The following ZC3H6 variants were observed in gnomAD, a reference collection of about 807,000 sequenced individuals.
ZC3H6 encodes zinc finger CCCH domain-containing protein 6.
ZC3H6 carries 40 observed loss-of-function variants against 107.7 expected under a neutral mutation model. That is an observed-to-expected ratio of 0.37 (90% CI 0.29 to 0.48). The LOEUF is 0.48. Ranked by LOEUF, ZC3H6 falls within the 20% of genes least tolerant of loss-of-function variation. The pLI is 0.98. For missense variants in ZC3H6, 1,267 were observed against 1,410.4 expected (o/e 0.90, Z 1.63); for synonymous variants, 493 against 487.9 (o/e 1.01, Z -0.14).
chr2:112,301,854 T>C (rs1051407170), intron 2 of ZC3H6, among the ~76,000 whole-genome samples: 2 of 151,408 alleles, frequency 1.3e-5, no homozygotes, highest in African/African-American at 4.9e-5. Flanking sequence ...ACCAAACTTA[T>C]CAATAATAAA....
intron 1 of ZC3H6, among the ~76,000 whole-genome samples, chr2:112,298,394 C>A (rs564144895): frequency 3.9e-5 from 6 of 152,204 alleles, no homozygotes; most frequent in African/African-American, 4.8e-5. Flanking sequence ...GCAAAAAAAA[C>A]CAACTGAAAT....
chr2:112,308,404 TTTTA>T (rs370414380), intron 3 of ZC3H6, among the ~76,000 whole-genome samples: 90 of 138,310 alleles, frequency 6.5e-4, no homozygotes, highest in East Asian at 8.7e-4. Context: ...TTTTATTTTA[TTTTA>T]TTTATTTATT....
intron 11 of ZC3H6, among the ~76,000 whole-genome samples, chr2:112,325,777 C>T (rs577689306): frequency 6.6e-6 from 1 of 151,916 alleles, no homozygotes; most frequent in Admixed American, 6.6e-5. Flanking sequence ...ATTTTTATGT[C>T]ATAGGCTCTA....
intron 11 of ZC3H6, among the ~76,000 whole-genome samples, chr2:112,330,275 G>C (rs779489674): frequency 7.9e-5 from 12 of 151,988 alleles, no homozygotes; most frequent in Non-Finnish European, 1.6e-4. Context: ...GGATGGTCTC[G>C]ATCTCATGAC....
intron 1 of ZC3H6, among the ~76,000 whole-genome samples, chr2:112,284,774 A>G (rs1384316317): frequency 6.6e-6 from 1 of 152,220 alleles, no homozygotes; most frequent in African/African-American, 2.4e-5. Context: ...TATGTTGTAC[A>G]GAACTTTTGG....
chr2:112,279,568 C>T (rs1165590775), intron 1 of ZC3H6, among the ~76,000 whole-genome samples: 5 of 152,086 alleles, frequency 3.3e-5, no homozygotes, highest in African/African-American at 1.2e-4. Context: ...ACCCTTCCCT[C>T]GCAGCTTTCT....
At chr2:112,326,344 C>T (rs1676906253) in intron 11 of ZC3H6, among the ~76,000 whole-genome samples, 1 of 152,096 alleles carries the variant, frequency 6.6e-6, no homozygotes, top group Non-Finnish European at 1.5e-5. Flanking sequence ...TTAACCGTCC[C>T]CACTTCCTCC....
rs1677131405 is a variant in ZC3H6 at position 112,336,016 on chromosome 2, T to C, written c.*3528T>C. On this transcript the variant is annotated 3_prime_UTR_variant, in exon 12 of 12. Transcript: ENST00000409871. The stretch of plus-strand genomic sequence containing the variant: ...GGCAAAGTGGCCAGCTCATTCAATA[T>C]AAGAGCCACCAGCTCTTAGAAACAA... 6.6e-6 allele frequency: 1 copy of C among 152,230 alleles called. No homozygotes were observed. 9.4% of individuals were successfully genotyped at this position (152,230 alleles called of 1,614,324 possible).
intron 9 of ZC3H6, 96 bp from the exon 10 acceptor site, chr2:112,324,055 TA>T (rs1021672343): frequency 1.2e-5 from 16 of 1,340,664 alleles, no homozygotes; most frequent in African/African-American, 2.9e-5. Flanking sequence ...TATTCTGATG[TA>T]AAAAAAGTAC....
intron 4 of ZC3H6, among the ~76,000 whole-genome samples, chr2:112,310,987 T>C (rs926496333): frequency 4.6e-5 from 7 of 152,250 alleles, no homozygotes; most frequent in Non-Finnish European, 1.0e-4. Flanking sequence ...CATATGCTGT[T>C]GTACTGAGCA....
chr2:112,331,628 C>T lies in ZC3H6; in HGVS notation c.2710C>T (p.Pro904Ser). The change falls in exon 12 of 12, where the codon CCA becomes TCA. Residue 904 changes from proline (P) to serine (S), a missense_variant. Physicochemically the swap from Pro to Ser is moderately conservative, Grantham distance 74 (BLOSUM62 -1). Around this residue, in one of 3 missense-constraint regions of ZC3H6, gnomAD observed 925 missense variants for 1,025.7 expected, o/e 0.90. Coordinates refer to ENST00000409871, the MANE Select transcript of ZC3H6 (RefSeq NM_198581.3). Reference protein sequence around the residue: ...PVSSINLPLPPLIADQRLNRL... With the variant: ...PVSSINLPLPSLIADQRLNRL... ...GTCTTCAATCAATTTACCTCTGCCC[C>T]CACTTATAGCTGACCAGAGGCTAAA... 2 of 1,613,942 alleles carry T rather than the reference C, an allele frequency of 1.2e-6. No individual in the cohort carries two copies. Among genetic ancestry groups the T allele is most frequent in the Non-Finnish European group, 1.7e-6 (2 of 1,179,884 alleles).
chr2:112,332,366 C>G lies in ZC3H6; in HGVS notation c.3448C>G (p.Gln1150Glu). Residue 1150 changes from glutamine (Q) to glutamate (E), a missense_variant, in exon 12 of 12, where the codon CAG becomes GAG. This residue lies in a region of ZC3H6 where 925 missense variants were observed against 1,025.7 expected (regional missense o/e 0.90). Transcript: ENST00000409871. ...TAGGCCACAGTACAGTGATCCAAGG[C>G]AGGCAAGGCAGCCAGGACAGGGGAG... The part of the protein sequence containing the change: ...LIRPQYSDPR[Q>E]ARQPGQGSPT... The G allele has an allele frequency of 6.2e-7, 1 of 1,613,878 alleles. No homozygotes were observed. The highest frequency in any genetic ancestry group is 8.5e-7 in the Non-Finnish European group (1 of 1,179,876).
chr2:112,331,059 A>T lies in ZC3H6; in HGVS notation c.2141A>T (p.Lys714Ile), dbSNP rs780221997. The change falls in exon 12 of 12, where the codon AAA becomes ATA. Residue 714 changes from lysine to isoleucine, a missense_variant. Physicochemically the swap from Lys to Ile is moderately radical, Grantham distance 102 (BLOSUM62 -3). Around this residue, in one of 3 missense-constraint regions of ZC3H6, gnomAD observed 925 missense variants for 1,025.7 expected, o/e 0.90. Transcript: ENST00000409871. Reference protein sequence around the residue: ...SSEEEEGSSVKSILKTLQKQT... With the variant: ...SSEEEEGSSVISILKTLQKQT... ...GAAGAGGAAGAAGGAAGCAGTGTCA[A>T]ATCAATACTGAAAACATTACAGAAA... 6.3e-7 allele frequency: 1 copy of T among 1,582,318 alleles called. No individual in the cohort carries two copies. Among genetic ancestry groups the T allele is most frequent in the Non-Finnish European group, 8.6e-7 (1 of 1,164,210 alleles).
chr2:112,299,754 CAT>C (rs1465177500), intron 1 of ZC3H6, 93 bp from the exon 2 acceptor site: 2 of 1,006,266 alleles, frequency 2.0e-6, no homozygotes, highest in Non-Finnish European at 2.7e-6. Flanking sequence ...ATGAATATAA[CAT>C]AAATCCTTGG....
At chr2:112,277,937 A>G (rs1214234491) in intron 1 of ZC3H6, among the ~76,000 whole-genome samples, 1 of 152,182 alleles carries the variant, frequency 6.6e-6, no homozygotes, top group African/African-American at 2.4e-5. Flanking sequence ...TATTGGCGCT[A>G]TTTCTGTTGG....
chr2:112,323,044 T>C, intron 9 of ZC3H6, 142 bp downstream of exon 9: 1 of 911,200 alleles, frequency 1.1e-6, no homozygotes, highest in Non-Finnish European at 1.6e-6. Flanking sequence ...GATTGTTGCT[T>C]CCACCTTTGT....
At chr2:112,293,516 T>G (rs1399758746) in intron 1 of ZC3H6, among the ~76,000 whole-genome samples, 5 of 152,122 alleles carry the variant, frequency 3.3e-5, no homozygotes, top group African/African-American at 9.7e-5. Flanking sequence ...AAAGAGAAAA[T>G]GGAGATACAA....
chr2:112,288,889 T>C (rs1347069395), intron 1 of ZC3H6, among the ~76,000 whole-genome samples: 1 of 152,176 alleles, frequency 6.6e-6, no homozygotes, highest in Non-Finnish European at 1.5e-5. Flanking sequence ...CCTCACTATA[T>C]TCCACTCTCT....
At chr2:112,289,730 C>T (rs1009955218) in intron 1 of ZC3H6, among the ~76,000 whole-genome samples, 36 of 140,914 alleles carry the variant, frequency 2.6e-4, no homozygotes, top group African/African-American at 7.1e-4. Flanking sequence ...ATATTTTTAC[C>T]GTTTTTTGTT....
Sources: gnomAD v4.1 joint callset for allele counts (sites outside exome capture counted in the v4.1 genomes callset) on GRCh38, gnomAD v4.1.1 for gene constraint, gnomAD v4.1.1 regional missense constraint, MANE v1.5 for transcripts, NCBI Gene and HGNC (gene_info 2026-07-23, HGNC 2026-07-21) for gene names.